The following FLRT1 variants were observed in gnomAD, a reference collection of about 807,000 sequenced individuals.
The protein encoded by FLRT1 is fibronectin leucine rich transmembrane protein 1.
Under a neutral mutation model 30.9 loss-of-function variants are expected in FLRT1, and 14 were observed. That is an observed-to-expected ratio of 0.45 (90% CI 0.30 to 0.71). The LOEUF (loss-of-function observed/expected upper bound fraction) is 0.71. FLRT1 is among the 30% of genes least tolerant of loss of function. FLRT1 has a pLI of 0.08. For missense variants in FLRT1, 737 were observed against 949.2 expected (o/e 0.78, Z 2.94); for synonymous variants, 368 against 430.4 (o/e 0.85, Z 1.80).
At chr11:64,076,494 T>C (rs1168184210) in intron 1 of FLRT1, among the ~76,000 whole-genome samples, 2 of 152,134 alleles carry the variant, frequency 1.3e-5, no homozygotes, top group East Asian at 1.9e-4. Flanking sequence ...GGACGGATGA[T>C]GTCTCATCTG....
intron 1 of FLRT1, among the ~76,000 whole-genome samples, chr11:64,072,100 C>T (rs1353459617): frequency 6.6e-6 from 1 of 152,220 alleles, no homozygotes; most frequent in Admixed American, 6.5e-5. Context: ...GACTGCTGAA[C>T]TCATAACCGC....
intron 1 of FLRT1, among the ~76,000 whole-genome samples, chr11:64,077,840 A>T (rs1271134074): frequency 6.6e-6 from 1 of 152,168 alleles, no homozygotes; most frequent in Non-Finnish European, 1.5e-5. Flanking sequence ...TCCTTTGGCT[A>T]TGGGTGGGCT....
chr11:64,078,444 A>G (rs1944243508), intron 1 of FLRT1, among the ~76,000 whole-genome samples: 1 of 152,298 alleles, frequency 6.6e-6, no homozygotes, highest in East Asian at 1.9e-4. Context: ...CCTCAATCCA[A>G]TTACGCCAGG....
At chr11:64,070,793 G>A (rs1350856464) in intron 1 of FLRT1, among the ~76,000 whole-genome samples, 1 of 152,210 alleles carries the variant, frequency 6.6e-6, no homozygotes, top group Non-Finnish European at 1.5e-5. Context: ...AATAACTGGT[G>A]GGAGACGAGG....
Position 64,090,071 on chromosome 11 carries a change from T to C in FLRT1, c.-1037-13123T>C, listed in dbSNP as rs1944462774. Among the ~76,000 whole-genome samples the C allele has an allele frequency of 6.6e-6, 1 of 152,116 alleles. No individual in the cohort carries two copies. The highest frequency in any genetic ancestry group is 1.5e-5 in the Non-Finnish European group (1 of 68,008). ...GTGACTGGACTCAACAGCTGTGTCA[T>C]CCTGAGCCCAGAACCTTCTAGAATG... On this transcript the variant is annotated intron_variant, in intron 1 of 2. Coordinates refer to ENST00000682287, the MANE Select transcript of FLRT1 (RefSeq NM_013280.5). The surrounding 1 kb of genome is among the most constrained non-coding windows in gnomAD (Gnocchi z 4.7).
chr11:64,043,127 A>G (rs1485577587), intron 1 of FLRT1, among the ~76,000 whole-genome samples: 1 of 152,220 alleles, frequency 6.6e-6, no homozygotes, highest in Admixed American at 6.5e-5. Flanking sequence ...CACACCTGTG[A>G]AACAGGATGA....
At chr11:64,072,896 T>C (rs1398841480) in intron 1 of FLRT1, among the ~76,000 whole-genome samples, 1 of 152,142 alleles carries the variant, frequency 6.6e-6, no homozygotes, top group Non-Finnish European at 1.5e-5. Flanking sequence ...AGGGGCTTTA[T>C]TTTTTCTCAA....
At chr11:64,108,508 CCT>C (rs1474618742) in intron 2 of FLRT1, among the ~76,000 whole-genome samples, 4 of 152,290 alleles carry the variant, frequency 2.6e-5, no homozygotes, top group African/African-American at 9.6e-5. Context: ...GGCCCTCTTC[CCT>C]CTGTCTTATT....
At chr11:64,054,556 G>A (rs1943749720) in intron 1 of FLRT1, among the ~76,000 whole-genome samples, 1 of 152,148 alleles carries the variant, frequency 6.6e-6, no homozygotes, top group Non-Finnish European at 1.5e-5. Flanking sequence ...CAGAGTGGCA[G>A]CCAGCCAGCA....
At chr11:64,056,116 G>T (rs565573176) in intron 1 of FLRT1, among the ~76,000 whole-genome samples, 1 of 152,148 alleles carries the variant, frequency 6.6e-6, no homozygotes, top group African/African-American at 2.4e-5. Context: ...CTCCACCCCC[G>T]GCAATAAGCA....
chr11:64,116,259 C>G lies in FLRT1; in HGVS notation c.-9C>G. The stretch of plus-strand genomic sequence containing the variant: ...GCCAGGTGGGGCCGGACGCCCCCAG[C>G]CATCCACCATGGTGGTGGCACACCC... On this transcript the variant is annotated 5_prime_UTR_variant, in exon 3 of 3. Transcript: ENST00000682287. 6.3e-7 allele frequency: 1 copy of G among 1,591,536 alleles called. No individual in the cohort carries two copies. Among genetic ancestry groups the G allele is most frequent in the East Asian group, 2.2e-5 (1 of 44,672 alleles).
At chr11:64,089,060 G>A (rs1212899779) in intron 1 of FLRT1, among the ~76,000 whole-genome samples, 2 of 152,174 alleles carry the variant, frequency 1.3e-5, no homozygotes, top group South Asian at 2.1e-4. Context: ...GTGCCCCGCC[G>A]GCTGTCCTCC....
Position 64,118,603 on chromosome 11 carries a change from T to C in FLRT1, c.*311T>C. The C allele has an allele frequency of 3.4e-6, 1 of 296,210 alleles. No homozygotes were observed. The highest frequency in any genetic ancestry group is 6.3e-5 in the East Asian group (1 of 15,972). 18.3% of individuals were successfully genotyped at this position (296,210 alleles called of 1,614,324 possible). On this transcript the variant is annotated 3_prime_UTR_variant, in exon 3 of 3. Coordinates refer to ENST00000682287, the MANE Select transcript of FLRT1 (RefSeq NM_013280.5). ...GGCAGGGCTGGGTTGGGTTTTTTTT[T>C]TTTCCCCCCTGAACTGGAAGGATAC...
In FLRT1 at chr11:64,064,974, C is replaced by T. The variant is rs895600128; in HGVS notation, c.-1038+28815C>T. ...GAGACAGACTCAGGGTCTTTCCCTA[C>T]ACTCCAGAGCACAGGCTAGTTGGAA... On this transcript the variant is annotated intron_variant, in intron 1 of 2. Coordinates refer to ENST00000682287, the MANE Select transcript of FLRT1 (RefSeq NM_013280.5). The surrounding 1 kb of genome is among the most constrained non-coding windows in gnomAD (Gnocchi z 4.5). 3.3e-5 allele frequency among the ~76,000 whole-genome samples: 5 copies of T among 152,214 alleles called. No homozygotes were observed. Among genetic ancestry groups the T allele is most frequent in the African/African-American group, 4.8e-5 (2 of 41,458 alleles).
At chr11:64,112,703 G>A (rs1435842741) in intron 2 of FLRT1, among the ~76,000 whole-genome samples, 1 of 152,198 alleles carries the variant, frequency 6.6e-6, no homozygotes, top group Admixed American at 6.5e-5. Flanking sequence ...TCCAGGCAGA[G>A]AGCACAGCAC....
At position 64,117,728 on chromosome 11, in the gene FLRT1, G is replaced by A. The variant is rs1160210486; in HGVS notation, c.1461G>A (p.Gly487=). 1.2e-6 allele frequency: 2 copies of A among 1,613,838 alleles called. No individual in the cohort carries two copies. Among genetic ancestry groups the A allele is most frequent in the Non-Finnish European group, 1.7e-6 (2 of 1,179,980 alleles). ...CCATCACGGAGACCTTGGTGCAGGGGGACAAGACAGAGTACCTGCTGACAG... is the reference window on the plus strand; with the variant it reads ...CCATCACGGAGACCTTGGTGCAGGGAGACAAGACAGAGTACCTGCTGACAG... ...VGSITETLVQ[G]DKTEYLLTAL... The change falls in exon 3 of 3, where the codon GGG becomes GGA. Residue 487 remains glycine, a synonymous_variant. Coordinates refer to ENST00000682287, the MANE Select transcript of FLRT1 (RefSeq NM_013280.5).
chr11:64,037,162 G>C (rs1943397663), intron 1 of FLRT1, among the ~76,000 whole-genome samples: 1 of 152,204 alleles, frequency 6.6e-6, no homozygotes, highest in South Asian at 2.1e-4. Context: ...GGGTGACTGA[G>C]AACAGCCCTG....
rs573936204 is a variant in FLRT1 at position 64,116,589 on chromosome 11, G to A, written c.322G>A (p.Val108Met). 9.3e-6 allele frequency: 15 copies of A among 1,614,040 alleles called. No homozygotes were observed. Among genetic ancestry groups the A allele is most frequent in the Middle Eastern group, 1.6e-4 (1 of 6,062 alleles). The change falls in exon 3 of 3, where the codon GTG (valine) becomes ATG (methionine). Residue 108 changes from valine to methionine, a missense_variant. Coordinates refer to ENST00000682287, the MANE Select transcript of FLRT1 (RefSeq NM_013280.5). ...IPQDLKTKVN[V>M]QVIYLYENDL... is the part of the protein sequence containing the mutation. Reference sequence around the variant, plus strand: ...CCAGGACCTCAAGACCAAGGTCAACGTGCAGGTCATCTACCTATACGAGAA... The same window carrying A: ...CCAGGACCTCAAGACCAAGGTCAACATGCAGGTCATCTACCTATACGAGAA...
At chr11:64,057,990 A>T (rs1943822499) in intron 1 of FLRT1, among the ~76,000 whole-genome samples, 1 of 152,208 alleles carries the variant, frequency 6.6e-6, no homozygotes, top group African/African-American at 2.4e-5. Context: ...CCTTGTGCTC[A>T]GCCTCCTGGG....
Sources: gnomAD v4.1 joint callset for allele counts (sites outside exome capture counted in the v4.1 genomes callset) on GRCh38, gnomAD v4.1.1 for gene constraint, Gnocchi (gnomAD v3.1) non-coding constraint, MANE v1.5 for transcripts, NCBI Gene and HGNC (gene_info 2026-07-23, HGNC 2026-07-21) for gene names.